The following TACC2 variants were observed in gnomAD, a reference collection of about 807,000 sequenced individuals.
TACC2 encodes transforming acidic coiled-coil-containing protein 2.
A neutral mutation model predicts 227.3 loss-of-function variants in TACC2; 137 were observed. That is an observed-to-expected ratio of 0.60 (90% CI 0.52 to 0.69). The LOEUF (loss-of-function observed/expected upper bound fraction) is 0.69. TACC2 is among the 30% of genes least tolerant of loss of function. The probability of loss-of-function intolerance (pLI) is 0.00; values close to 1 mark genes in which losing one functional copy is unlikely to be tolerated. For missense variants in TACC2, 3,470 were observed against 3,694.4 expected, an observed-to-expected ratio of 0.94 and a Z score of 1.57; for synonymous variants, 1,523 against 1,487.5, an observed-to-expected ratio of 1.02 and a Z score of -0.55.
In TACC2 at chr10:122,194,422, A is replaced by C. The variant is rs1200841280; in HGVS notation, c.5835-618A>C. Among the ~76,000 whole-genome samples, 1 of 152,002 alleles carries C rather than the reference A, an allele frequency of 6.6e-6. No individual in the cohort carries two copies. The highest frequency in any genetic ancestry group is 1.9e-4 in the East Asian group (1 of 5,180). On this transcript the variant is annotated intron_variant, in intron 7 of 22. Transcript: ENST00000369005. The surrounding 1 kb of genome is among the most constrained non-coding windows in gnomAD (Gnocchi z 4.4). ...CGTGCTTTGTGTCTTGGTCTGATGC[A>C]CCCTCTGCCTGGCCGGCTTGCTGGC...
chr10:122,098,344 G>A (rs2137522702), intron 5 of TACC2, among the ~76,000 whole-genome samples: 1 of 152,290 alleles, frequency 6.6e-6, no homozygotes. Context: ...TGGTTACCCA[G>A]CACCTGATAC....
At chr10:122,167,306 G>A (rs900653782) in intron 7 of TACC2, among the ~76,000 whole-genome samples, 19 of 152,226 alleles carry the variant, frequency 1.2e-4, no homozygotes, top group South Asian at 4.1e-4. Context: ...GGAGAGAAGC[G>A]ATGGAGGAGG....
At position 122,083,696 on chromosome 10, in the gene TACC2, G is replaced by C. The variant is rs762250594; in HGVS notation, c.1196G>C (p.Gly399Ala). 16 of 1,613,182 alleles carry C rather than the reference G, an allele frequency of 9.9e-6. No homozygotes were observed. In the East Asian group the frequency reaches 3.1e-4, roughly 31 times the overall value. ...GTGGCAGCAGGCGGCCAGCCCGAAGGGGGTTTGCCTGTGAGCCCTGAACCT... is the reference window on the plus strand; with the variant it reads ...GTGGCAGCAGGCGGCCAGCCCGAAGCGGGTTTGCCTGTGAGCCCTGAACCT... The part of the protein sequence containing the change: ...VCVAAGGQPE[G>A]GLPVSPEPSL... The change falls in exon 4 of 23, where the codon GGG becomes GCG. Residue 399 changes from glycine (G) to alanine (A), a missense_variant. By Grantham distance (60) the Gly-to-Ala change is moderately conservative. Transcript: ENST00000369005.
intron 7 of TACC2, among the ~76,000 whole-genome samples, chr10:122,171,207 TC>T (rs2093456908): frequency 1.3e-5 from 2 of 152,238 alleles, no homozygotes; most frequent in Admixed American, 1.3e-4. Context: ...GCCTCCTTAT[TC>T]AGAAGGACTT....
chr10:122,144,127 A>G (rs1269282849), intron 7 of TACC2, among the ~76,000 whole-genome samples: 2 of 152,196 alleles, frequency 1.3e-5, no homozygotes, highest in Non-Finnish European at 2.9e-5. Flanking sequence ...TTGTTGTAGC[A>G]GAGCCCCAAG....
intron 7 of TACC2, among the ~76,000 whole-genome samples, chr10:122,184,124 C>T (rs868403211): frequency 1.3e-5 from 2 of 152,166 alleles, no homozygotes; most frequent in East Asian, 1.9e-4. Context: ...CCTGACACTT[C>T]GCAGCCCCTG....
chr10:122,017,239 T>G (rs1238865206), intron 1 of TACC2, among the ~76,000 whole-genome samples: 6 of 152,096 alleles, frequency 3.9e-5, no homozygotes, highest in Non-Finnish European at 7.4e-5. Flanking sequence ...GGAGGGTGGT[T>G]TCTGGAAAGT....
At chr10:122,134,816 C>T (rs1401995719) in intron 6 of TACC2, among the ~76,000 whole-genome samples, 1 of 152,216 alleles carries the variant, frequency 6.6e-6, no homozygotes, top group East Asian at 1.9e-4. Context: ...GAGGATGGCG[C>T]TGGACTTGGC....
Position 122,211,572 on chromosome 10 carries a change from A to G in TACC2, c.7147A>G (p.Thr2383Ala), listed in dbSNP as rs1421786447. The change falls in exon 9 of 23, where the codon ACA (threonine) becomes GCA (alanine). Residue 2383 changes from threonine to alanine, a missense_variant. Thr to Ala is a moderately conservative substitution (Grantham distance 58, BLOSUM62 0). Around this residue, in one of 10 missense-constraint regions of TACC2, gnomAD observed 593 missense variants for 636.6 expected, o/e 0.93. Coordinates refer to ENST00000369005, the MANE Select transcript of TACC2 (RefSeq NM_206862.4). Reference sequence around the variant, plus strand: ...TGATGAGTCCGTTGACCCCTTTAAGACATCCTCTAAGACCCCCAGCTCACC... The same window carrying G: ...TGATGAGTCCGTTGACCCCTTTAAGGCATCCTCTAAGACCCCCAGCTCACC... Reference protein sequence around the residue: ...TCDESVDPFKTSSKTPSSPSK... With the variant: ...TCDESVDPFKASSKTPSSPSK... 6.2e-7 allele frequency: 1 copy of G among 1,614,040 alleles called. No homozygotes were observed. The highest frequency in any genetic ancestry group is 1.7e-5 in the Admixed American group (1 of 60,000).
intron 11 of TACC2, among the ~76,000 whole-genome samples, chr10:122,223,446 C>A (rs1440476138): frequency 6.6e-6 from 1 of 152,166 alleles, no homozygotes; most frequent in Non-Finnish European, 1.5e-5. Flanking sequence ...GTTGGAAACA[C>A]ACTTTCTCTA....
intron 1 of TACC2, among the ~76,000 whole-genome samples, chr10:121,997,685 G>T (rs1304805276): frequency 6.6e-6 from 1 of 152,118 alleles, no homozygotes; most frequent in Non-Finnish European, 1.5e-5. Context: ...AATGCTGAGG[G>T]TGATGACAGT....
At position 122,117,260 on chromosome 10, in the gene TACC2, T is replaced by G. The variant is rs577802943; in HGVS notation, c.5574-15349T>G. On this transcript the variant is annotated intron_variant, in intron 5 of 22. Coordinates refer to ENST00000369005, the MANE Select transcript of TACC2 (RefSeq NM_206862.4). ...ACCAGGCTGGAGTGCAGTGGCGTGA[T>G]CTCGGCCCACTGCAACCTCTGCCTC... is the stretch of plus-strand genomic sequence containing the variant. Among the ~76,000 whole-genome samples, 119 of 150,490 alleles carry G rather than the reference T, an allele frequency of 7.9e-4. No homozygotes were observed. In the South Asian group the frequency reaches 0.024, roughly 30 times the overall value.
chr10:122,229,259 A>G (rs2095687990), intron 14 of TACC2, 87 bp from the exon 15 acceptor site: 2 of 1,520,934 alleles, frequency 1.3e-6, no homozygotes, highest in South Asian at 2.3e-5. Context: ...TGTCCAGCAA[A>G]TGGCTGCATG....
At chr10:122,072,465 C>T (rs2078191079) in intron 3 of TACC2, among the ~76,000 whole-genome samples, 1 of 152,124 alleles carries the variant, frequency 6.6e-6, no homozygotes, top group Non-Finnish European at 1.5e-5. Context: ...GTTGTTTGGA[C>T]AAGTTAGGAC....
intron 7 of TACC2, among the ~76,000 whole-genome samples, chr10:122,164,812 A>C (rs1023630148): frequency 1.3e-5 from 2 of 152,128 alleles, no homozygotes; most frequent in Non-Finnish European, 2.9e-5. Context: ...TTCCAGAGAG[A>C]AGACTATGTT....
chr10:122,145,492 C>A (rs2091253528), intron 7 of TACC2, among the ~76,000 whole-genome samples: 1 of 152,092 alleles, frequency 6.6e-6, no homozygotes, highest in African/African-American at 2.4e-5. Flanking sequence ...GAAAACAGAT[C>A]AGTGGGCACT....
At chr10:122,159,872 T>C (rs1198385417) in intron 7 of TACC2, among the ~76,000 whole-genome samples, 1 of 152,130 alleles carries the variant, frequency 6.6e-6, no homozygotes, top group Non-Finnish European at 1.5e-5. Context: ...CTTGCTGCTA[T>C]GGCAACTGGA....
At chr10:122,225,756 G>A (rs925582148) in intron 12 of TACC2, among the ~76,000 whole-genome samples, 3 of 152,206 alleles carry the variant, frequency 2.0e-5, no homozygotes, top group Non-Finnish European at 4.4e-5. Context: ...GAATTCGTGA[G>A]GAGCATGCCC....
At chr10:122,043,302 G>T (rs987985222) in intron 2 of TACC2, among the ~76,000 whole-genome samples, 4 of 152,146 alleles carry the variant, frequency 2.6e-5, no homozygotes, top group African/African-American at 4.8e-5. Flanking sequence ...TCCTTTTAGG[G>T]TAATGGCCAC....
Sources: allele counts gnomAD v4.1 joint callset (sites outside exome capture counted in the v4.1 genomes callset), GRCh38; gene constraint gnomAD v4.1.1; regional missense constraint gnomAD v4.1.1; non-coding constraint Gnocchi (gnomAD v3.1); transcripts MANE v1.5; gene names NCBI Gene and HGNC (gene_info 2026-07-23, HGNC 2026-07-21).